Variants in SGCZ observed in about 807,000 individuals in gnomAD.
SGCZ encodes zeta-sarcoglycan.
In SGCZ, 40 loss-of-function variants were observed where a neutral mutation model predicts 41.3. The ratio of observed to expected loss-of-function variants is 0.97; its 90% confidence interval spans 0.75 to 1.26. The LOEUF is 1.26. Among genes scored for constraint, SGCZ ranks in the 50% most tolerant of loss-of-function variants. The pLI is 0.00. For missense variants in SGCZ, 552 were observed against 369.8 expected (o/e 1.49, Z -4.04); for synonymous variants, 206 against 137.5 (o/e 1.50, Z -3.49).
chr8:15,040,615 C>G (rs1046904310), intron 1 of SGCZ, among the ~76,000 whole-genome samples: 3 of 152,100 alleles, frequency 2.0e-5, no homozygotes, highest in Non-Finnish European at 4.4e-5. Flanking sequence ...GAGCAAAACT[C>G]TATCTCAAAA....
At chr8:14,447,184 G>A (rs756527527) in intron 2 of SGCZ, among the ~76,000 whole-genome samples, 2 of 152,040 alleles carry the variant, frequency 1.3e-5, no homozygotes, top group South Asian at 2.1e-4. Context: ...CAGTCTCATG[G>A]AACAAAAACT....
intron 1 of SGCZ, among the ~76,000 whole-genome samples, chr8:15,182,346 A>G (rs965398036): frequency 6.6e-6 from 1 of 152,190 alleles, no homozygotes; most frequent in African/African-American, 2.4e-5. Flanking sequence ...CTGAAAAAGC[A>G]TCATTACCGA....
intron 1 of SGCZ, 60 bp from the exon 2 acceptor site, chr8:14,554,986 T>C (rs991116577): frequency 1.4e-6 from 2 of 1,438,042 alleles, no homozygotes; most frequent in African/African-American, 2.9e-5. Flanking sequence ...TTAAAAAAAA[T>C]AAACCCATGA....
At chr8:14,093,619 G>T (rs1215916853) in intron 7 of SGCZ, among the ~76,000 whole-genome samples, 1 of 152,058 alleles carries the variant, frequency 6.6e-6, no homozygotes, top group African/African-American at 2.4e-5. Context: ...GTGAAATATG[G>T]ATGGGAGGTA....
At chr8:14,284,021 T>C (rs1455133481) in intron 3 of SGCZ, among the ~76,000 whole-genome samples, 2 of 152,262 alleles carry the variant, frequency 1.3e-5, no homozygotes, top group Non-Finnish European at 2.9e-5. Context: ...TTAAGATTTC[T>C]TAATCTTTCT....
intron 4 of SGCZ, among the ~76,000 whole-genome samples, chr8:14,190,236 A>T (rs1182734751): frequency 2.0e-5 from 3 of 150,656 alleles, no homozygotes; most frequent in Non-Finnish European, 4.4e-5. Flanking sequence ...ATGGTCTCGA[A>T]CTCCTGACCT....
At chr8:15,036,178 A>T (rs1209660195) in intron 1 of SGCZ, among the ~76,000 whole-genome samples, 10 of 152,146 alleles carry the variant, frequency 6.6e-5, no homozygotes, top group Admixed American at 6.6e-4. Flanking sequence ...AATAAAGTAG[A>T]TCATAAAAGT....
chr8:14,376,080 G>A (rs760105384), intron 2 of SGCZ, among the ~76,000 whole-genome samples: 28 of 152,256 alleles, frequency 1.8e-4, no homozygotes, highest in Admixed American at 3.9e-4. Context: ...TTGGGAGGCC[G>A]AGGCGGGTGG....
chr8:14,812,829 G>A (rs1483498702), intron 1 of SGCZ, among the ~76,000 whole-genome samples: 1 of 152,028 alleles, frequency 6.6e-6, no homozygotes, highest in Non-Finnish European at 1.5e-5. Context: ...CAATTATCAA[G>A]CATGCTTATT....
chr8:14,443,421 C>G lies in SGCZ; in HGVS notation c.234+111311G>C, dbSNP rs1430822029. Among the ~76,000 whole-genome samples the G allele has an allele frequency of 2.0e-5, 3 of 152,086 alleles. No individual in the cohort carries two copies. In the East Asian group the frequency reaches 5.8e-4, roughly 29 times the overall value. ...CCTGACTTCAAACTATACTACAAGG[C>G]TACAGTAACCAAAACAGCATGGTAC... On this transcript the variant is annotated intron_variant, in intron 2 of 7. Transcript: ENST00000382080.
intron 2 of SGCZ, among the ~76,000 whole-genome samples, chr8:14,352,573 C>T (rs971537619): frequency 6.6e-6 from 1 of 152,080 alleles, no homozygotes; most frequent in Non-Finnish European, 1.5e-5. Flanking sequence ...TTCTCTAGTG[C>T]CTCTGGCACA....
intron 2 of SGCZ, among the ~76,000 whole-genome samples, chr8:14,436,454 T>A (rs887292409): frequency 6.6e-6 from 1 of 152,208 alleles, no homozygotes; most frequent in Non-Finnish European, 1.5e-5. Flanking sequence ...ATGCAAAGTG[T>A]GGGCCATACA....
At chr8:14,994,966 C>T (rs1291483475) in intron 1 of SGCZ, among the ~76,000 whole-genome samples, 2 of 152,194 alleles carry the variant, frequency 1.3e-5, no homozygotes, top group African/African-American at 4.8e-5. Context: ...AAAGCTTCCC[C>T]TAATATTATG....
At chr8:14,918,168 T>C (rs1799493220) in intron 1 of SGCZ, among the ~76,000 whole-genome samples, 1 of 152,182 alleles carries the variant, frequency 6.6e-6, no homozygotes. Flanking sequence ...TTCTTTCTTC[T>C]CCATTTTCTT....
chr8:14,446,579 T>C (rs1000483913), intron 2 of SGCZ, among the ~76,000 whole-genome samples: 2 of 152,214 alleles, frequency 1.3e-5, no homozygotes, highest in Non-Finnish European at 2.9e-5. Flanking sequence ...GAAAGGCATT[T>C]TACTGTGCTA....
intron 1 of SGCZ, among the ~76,000 whole-genome samples, chr8:14,824,321 T>C (rs1802215980): frequency 6.6e-6 from 1 of 152,146 alleles, no homozygotes; most frequent in Non-Finnish European, 1.5e-5. Context: ...TGGATCATTA[T>C]ACAACATAGA....
At chr8:15,087,276 G>A (rs535756605) in intron 1 of SGCZ, among the ~76,000 whole-genome samples, 7 of 152,012 alleles carry the variant, frequency 4.6e-5, no homozygotes, top group Non-Finnish European at 8.8e-5. Flanking sequence ...TGCATTAAGA[G>A]GCTCAGGAAC....
intron 1 of SGCZ, among the ~76,000 whole-genome samples, chr8:15,027,409 A>C (rs1410633304): frequency 6.6e-6 from 1 of 152,050 alleles, no homozygotes; most frequent in African/African-American, 2.4e-5. Flanking sequence ...ATAAAAAAAG[A>C]AATAATTTGT....
intron 3 of SGCZ, among the ~76,000 whole-genome samples, chr8:14,246,010 T>G (rs892076039): frequency 6.6e-6 from 1 of 152,162 alleles, no homozygotes; most frequent in African/African-American, 2.4e-5. Flanking sequence ...GACTGTAAAC[T>G]AGTTCAACCA....
Sources: gnomAD v4.1 joint callset for allele counts (sites outside exome capture counted in the v4.1 genomes callset) on GRCh38, gnomAD v4.1.1 for gene constraint, MANE v1.5 for transcripts, NCBI Gene and HGNC (gene_info 2026-07-23, HGNC 2026-07-21) for gene names.